ZCCHC24: variants seen among roughly 807,000 people sequenced by gnomAD.
The protein encoded by ZCCHC24 is zinc finger CCHC domain-containing protein 24.
A neutral mutation model predicts 26.2 loss-of-function variants in ZCCHC24; 10 were observed. The ratio of observed to expected loss-of-function variants is 0.38; its 90% confidence interval spans 0.24 to 0.65. The LOEUF is 0.65. Among genes scored for constraint, ZCCHC24 ranks in the 30% least tolerant of loss-of-function variants. The probability of loss-of-function intolerance (pLI) is 0.54; values close to 1 mark genes in which losing one functional copy is unlikely to be tolerated. For missense variants in ZCCHC24, 243 were observed against 329.1 expected, an observed-to-expected ratio of 0.74 and a Z score of 2.03; for synonymous variants, 144 against 147.1, an observed-to-expected ratio of 0.98 and a Z score of 0.15.
Position 79,403,440 on chromosome 10 carries a change from CG to C in ZCCHC24, c.448-9001del, listed in dbSNP as rs1564633866. The C allele has an allele frequency of 3.7e-5, 36 of 985,442 alleles. No individual in the cohort carries two copies. The South Asian group carries it at 1.0e-3, about 28-fold the overall frequency. The allele number at this position is 985,442 out of a possible 1,614,324, so 61.0% of individuals were successfully genotyped here. A position where few individuals can be genotyped will look rare whatever the true frequency, so the allele number is the denominator to read the frequency against. On this transcript the variant is annotated intron_variant, in intron 2 of 3. Coordinates refer to ENST00000372336, the MANE Select transcript of ZCCHC24 (RefSeq NM_153367.4). The stretch of plus-strand genomic sequence containing the variant: ...ACACTCACATGTCCACATGCACGGC[CG>C]GGGGAGGCAGGTGGAAGGGCTGCGT...
chr10:79,443,971 C>A (rs1158569345), intron 1 of ZCCHC24: 1 of 1,220,336 alleles, frequency 8.2e-7, no homozygotes, highest in Non-Finnish European at 1.1e-6. Context: ...GTCCATGCCT[C>A]CCCTAGTAAA....
chr10:79,398,344 C>T (rs1420420869), intron 2 of ZCCHC24, among the ~76,000 whole-genome samples: 9 of 152,232 alleles, frequency 5.9e-5, no homozygotes, highest in Non-Finnish European at 1.5e-5. Flanking sequence ...TGATAAAGGA[C>T]CTGCCTCCCG....
intron 1 of ZCCHC24, among the ~76,000 whole-genome samples, chr10:79,444,507 A>G (rs1857334193): frequency 6.7e-6 from 1 of 148,380 alleles, no homozygotes; most frequent in Non-Finnish European, 1.5e-5. Flanking sequence ...CAAGAGCTCA[A>G]GAGGATTTCC....
At chr10:79,403,533 G>C in intron 2 of ZCCHC24, 1 of 985,456 alleles carries the variant, frequency 1.0e-6, no homozygotes, top group Non-Finnish European at 1.2e-6. Flanking sequence ...CGGTCAGAGG[G>C]ACAGGTGGGC....
At chr10:79,430,579 T>C (rs900682332) in intron 2 of ZCCHC24, among the ~76,000 whole-genome samples, 2 of 152,164 alleles carry the variant, frequency 1.3e-5, no homozygotes, top group East Asian at 3.9e-4. Context: ...ACGTTAGCAC[T>C]GTGCTGGAAG....
chr10:79,420,285 C>T (rs1856919445), intron 2 of ZCCHC24, among the ~76,000 whole-genome samples: 1 of 152,152 alleles, frequency 6.6e-6, no homozygotes, highest in Non-Finnish European at 1.5e-5. Flanking sequence ...CCCCTGTCCC[C>T]TCCCCAAGAC....
At chr10:79,430,685 AC>A (rs146387554) in intron 2 of ZCCHC24, among the ~76,000 whole-genome samples, 7 of 76,014 alleles carry the variant, frequency 9.2e-5, no homozygotes, top group South Asian at 4.9e-4. Context: ...ACACACACAC[AC>A]CACACACACA....
At chr10:79,404,347 C>G (rs903111281) in intron 2 of ZCCHC24, among the ~76,000 whole-genome samples, 6 of 152,216 alleles carry the variant, frequency 3.9e-5, no homozygotes, top group Non-Finnish European at 8.8e-5. Context: ...CAGCCACTCC[C>G]TAAGTTATCT....
intron 3 of ZCCHC24, among the ~76,000 whole-genome samples, chr10:79,392,354 C>T (rs781724527): frequency 2.6e-5 from 4 of 152,188 alleles, no homozygotes; most frequent in Non-Finnish European, 5.9e-5. Flanking sequence ...CTTCCTTGCT[C>T]ATCCTTCCTC....
intron 2 of ZCCHC24, among the ~76,000 whole-genome samples, chr10:79,408,596 G>A (rs946190711): frequency 3.3e-5 from 5 of 152,190 alleles, no homozygotes; most frequent in South Asian, 2.1e-4. Flanking sequence ...ACAGCCAGGC[G>A]CGGAAGAAAA....
chr10:79,434,781 G>A (rs370644294), intron 1 of ZCCHC24, among the ~76,000 whole-genome samples: 4 of 152,204 alleles, frequency 2.6e-5, no homozygotes, highest in African/African-American at 9.7e-5. Context: ...TAAGTGTACA[G>A]TTGAGTGGCA....
At chr10:79,429,488 T>C (rs1184567124) in intron 2 of ZCCHC24, among the ~76,000 whole-genome samples, 3 of 151,992 alleles carry the variant, frequency 2.0e-5, no homozygotes, top group Non-Finnish European at 2.9e-5. Context: ...GGCTGAGGCA[T>C]GAGAATCACT....
At chr10:79,398,488 G>T (rs912446871) in intron 2 of ZCCHC24, among the ~76,000 whole-genome samples, 3 of 152,232 alleles carry the variant, frequency 2.0e-5, no homozygotes, top group African/African-American at 7.2e-5. Flanking sequence ...AGAGGGAGCA[G>T]AGGTGTCTGA....
In ZCCHC24 at chr10:79,385,842, CAT is replaced by C. The variant is rs1351036184; in HGVS notation, c.*501_*502del. On this transcript the variant is annotated 3_prime_UTR_variant, in exon 4 of 4. Coordinates refer to ENST00000372336, the MANE Select transcript of ZCCHC24 (RefSeq NM_153367.4). The surrounding 1 kb of genome is among the most constrained non-coding windows in gnomAD (Gnocchi z 4.3). ...CCACTCCCCAGCCGCTGTTGGAACA[CAT>C]GTCCCCTTGCCACGATTGCTGACTC... 3 of 254,006 alleles carry C rather than the reference CAT, an allele frequency of 1.2e-5. No individual in the cohort carries two copies. In the East Asian group the frequency reaches 2.2e-4, roughly 18 times the overall value. The allele number at this position is 254,006 out of a possible 1,614,324, so 15.7% of individuals were successfully genotyped here.
Position 79,382,702 on chromosome 10 carries a change from G to A in ZCCHC24, c.*3643C>T, listed in dbSNP as rs947528613. ...GTTAGTCGTTGGACTGAGCTACAAT[G>A]TAGTGAGGTTGGATTAAATATTCGT... On this transcript the variant is annotated 3_prime_UTR_variant, in exon 4 of 4. Coordinates refer to ENST00000372336, the MANE Select transcript of ZCCHC24 (RefSeq NM_153367.4). The A allele has an allele frequency of 6.5e-6, 1 of 152,838 alleles. No homozygotes were observed. The highest frequency in any genetic ancestry group is 1.5e-5 in the Non-Finnish European group (1 of 68,054). 9.5% of individuals were successfully genotyped at this position (152,838 alleles called of 1,614,324 possible).
rs371102143 is a variant in ZCCHC24 at position 79,436,858 on chromosome 10, C to T, written c.247-4100G>A. On this transcript the variant is annotated intron_variant, in intron 1 of 3. Coordinates refer to ENST00000372336, the MANE Select transcript of ZCCHC24 (RefSeq NM_153367.4). Reference sequence around the variant, plus strand: ...GCCCCTGGGCCATCTAGGCCCAGATCACCAGGCTTAGGGAAGAGGCCACCT... The same window carrying T: ...GCCCCTGGGCCATCTAGGCCCAGATTACCAGGCTTAGGGAAGAGGCCACCT... Among the ~76,000 whole-genome samples the T allele has an allele frequency of 1.7e-3, 265 of 152,334 alleles. 1 individual carries two copies. Among genetic ancestry groups the T allele is most frequent in the African/African-American group, 3.4e-3 (142 of 41,572 alleles).
At chr10:79,432,531 G>A (rs1287362831) in intron 2 of ZCCHC24, 27 bp downstream of exon 2, 10 of 1,585,162 alleles carry the variant, frequency 6.3e-6, no homozygotes, top group Non-Finnish European at 8.6e-6. Context: ...GAGCCCAAGA[G>A]CACCCCCTGG....
In ZCCHC24 at chr10:79,394,192, T is replaced by G. The variant is rs186498218; in HGVS notation, c.612+84A>C. ...GGTCAACTTAGAGAGATCTCCCTTG[T>G]AGGAGGGAGTAAACTGAGGTCCGGT... On this transcript the variant is annotated intron_variant, in intron 3 of 3. Coordinates refer to ENST00000372336, the MANE Select transcript of ZCCHC24 (RefSeq NM_153367.4). 7.2e-5 allele frequency: 110 copies of G among 1,525,638 alleles called. No homozygotes were observed. In the East Asian group the frequency reaches 2.1e-3, roughly 29 times the overall value. 94.5% of individuals were successfully genotyped at this position (1,525,638 alleles called of 1,614,324 possible).
At chr10:79,442,185 G>A (rs1049525306) in intron 1 of ZCCHC24, among the ~76,000 whole-genome samples, 2 of 152,158 alleles carry the variant, frequency 1.3e-5, no homozygotes, top group African/African-American at 4.8e-5. Context: ...TGGGTTTCAC[G>A]GGGCCTAGTT....
Sources: gnomAD v4.1 joint callset for allele counts (sites outside exome capture counted in the v4.1 genomes callset) on GRCh38, gnomAD v4.1.1 for gene constraint, Gnocchi (gnomAD v3.1) non-coding constraint, MANE v1.5 for transcripts, NCBI Gene and HGNC (gene_info 2026-07-23, HGNC 2026-07-21) for gene names.